The following ATXN1 variants were observed in gnomAD, a reference collection of about 807,000 sequenced individuals.
ATXN1 encodes ataxin-1.
In ATXN1, 8 loss-of-function variants were observed where a neutral mutation model predicts 56.4. The observed-to-expected ratio is 0.14, with a 90% CI of 0.08 to 0.26. ATXN1 has a LOEUF of 0.26. ATXN1 is among the 10% of genes least tolerant of loss of function. The pLI, the probability that ATXN1 is intolerant of heterozygous loss-of-function variation, is 1.00. For synonymous variants in ATXN1, 514 were observed against 494.6 expected (o/e 1.04, Z -0.52); for missense variants, 987 against 1,106.5 (o/e 0.89, Z 1.53).
At chr6:16,753,131 T>C (rs1760775183) in intron 2 of ATXN1, 102 bp downstream of exon 2, 2 of 396,720 alleles carry the variant, frequency 5.0e-6, no homozygotes, top group East Asian at 8.3e-5. Flanking sequence ...AAGAAAATGA[T>C]ATTCAACAGC....
chr6:16,508,250 C>T (rs950250019), intron 5 of ATXN1, among the ~76,000 whole-genome samples: 5 of 151,978 alleles, frequency 3.3e-5, no homozygotes, highest in Non-Finnish European at 7.4e-5. Flanking sequence ...GAGGAAGATA[C>T]TGATATAGTA....
At chr6:16,362,707 G>A (rs1272269720) in intron 6 of ATXN1, among the ~76,000 whole-genome samples, 1 of 150,652 alleles carries the variant, frequency 6.6e-6, no homozygotes, top group Non-Finnish European at 1.5e-5. Flanking sequence ...AATATAATGT[G>A]AACATCTTGC....
chr6:16,321,414 C>T (rs950062691), intron 7 of ATXN1, among the ~76,000 whole-genome samples: 2 of 152,192 alleles, frequency 1.3e-5, no homozygotes, highest in African/African-American at 2.4e-5. Flanking sequence ...GGGTGGGGAA[C>T]GTGCTATCAC....
intron 6 of ATXN1, among the ~76,000 whole-genome samples, chr6:16,427,336 A>G (rs1019832259): frequency 1.3e-5 from 2 of 152,292 alleles, no homozygotes; most frequent in Non-Finnish European, 1.5e-5. Context: ...CAGTCGTGAC[A>G]AGCAAAAATG....
chr6:16,469,227 C>T (rs1561908151), intron 6 of ATXN1, among the ~76,000 whole-genome samples: 1 of 152,200 alleles, frequency 6.6e-6, no homozygotes, highest in Non-Finnish European at 1.5e-5. Flanking sequence ...AGCAATTATA[C>T]AAGAGTCTTG....
intron 5 of ATXN1, among the ~76,000 whole-genome samples, chr6:16,504,993 C>CTTTTTTTT (rs34197922): frequency 0.031 from 4,229 of 135,032 alleles, 258 homozygotes; most frequent in African/African-American, 0.11. Flanking sequence ...CTCCTGTTTC[C>CTTTTTTTT]TTTTTTTTTT....
chr6:16,315,250 C>T (rs1399489193), intron 7 of ATXN1, among the ~76,000 whole-genome samples: 1 of 152,182 alleles, frequency 6.6e-6, no homozygotes, highest in Non-Finnish European at 1.5e-5. Context: ...TCCCATTCTT[C>T]CGGCTGTTCA....
intron 5 of ATXN1, among the ~76,000 whole-genome samples, chr6:16,498,733 G>A (rs1760824032): frequency 6.6e-6 from 1 of 152,110 alleles, no homozygotes; most frequent in African/African-American, 2.4e-5. Flanking sequence ...GTTTTGATTT[G>A]CATTCCCCTA....
chr6:16,711,986 T>C (rs934581159), intron 2 of ATXN1, among the ~76,000 whole-genome samples: 7 of 152,198 alleles, frequency 4.6e-5, no homozygotes, highest in African/African-American at 1.7e-4. Flanking sequence ...ACTGATTCCA[T>C]TTGTATGAAG....
chr6:16,634,265 G>A (rs1378329013), intron 3 of ATXN1, among the ~76,000 whole-genome samples: 1 of 152,050 alleles, frequency 6.6e-6, no homozygotes, highest in Non-Finnish European at 1.5e-5. Flanking sequence ...GCACTACCAT[G>A]GATTTCTCTG....
intron 2 of ATXN1, among the ~76,000 whole-genome samples, chr6:16,697,420 G>A (rs3812203): frequency 0.26 from 40,191 of 151,782 alleles, 5,457 homozygotes; most frequent in Non-Finnish European, 0.3. Flanking sequence ...GAATATAGCT[G>A]TTGATTCATC....
chr6:16,330,532 G>T (rs1760960766), intron 6 of ATXN1, among the ~76,000 whole-genome samples: 1 of 151,654 alleles, frequency 6.6e-6, no homozygotes, highest in Admixed American at 6.6e-5. Flanking sequence ...TGGGACTACA[G>T]GTGCACGCCA....
chr6:16,423,319 T>G (rs1272581343), intron 6 of ATXN1, among the ~76,000 whole-genome samples: 3 of 152,240 alleles, frequency 2.0e-5, no homozygotes, highest in African/African-American at 7.2e-5. Flanking sequence ...CAGTCACTCC[T>G]CTTTACAGAA....
chr6:16,597,456 T>TG (rs1554118746), intron 3 of ATXN1, among the ~76,000 whole-genome samples: 1 of 145,992 alleles, frequency 6.8e-6, no homozygotes, highest in Non-Finnish European at 1.5e-5. Context: ...TTTTTTTTTT[T>TG]GAGACAGAGT....
chr6:16,326,826 G>A lies in ATXN1; in HGVS notation c.1485C>T (p.Gly495=), dbSNP rs916331792. The change falls in exon 7 of 8, where the codon GGC becomes GGT. Residue 495 remains glycine, a synonymous_variant. Coordinates refer to ENST00000436367, the MANE Select transcript of ATXN1 (RefSeq NM_001128164.2). This position sits in a 1 kb window ranked among gnomAD's most constrained non-coding sequence, Gnocchi z 6.6. ...PGTQPLLIPV[G]STDMEASGAA... is the part of the protein sequence containing the mutation. The stretch of plus-strand genomic sequence containing the variant: ...CCCCCGACGCTTCCATGTCAGTGCT[G>A]CCGACCGGGATGAGCAGGGGCTGTG... 1.0e-5 allele frequency: 16 copies of A among 1,607,404 alleles called. No homozygotes were observed. In the African/African-American group the frequency reaches 2.0e-4, roughly 20 times the overall value.
chr6:16,326,359 G>T lies in ATXN1; in HGVS notation c.1917+35C>A. 1 of 1,606,658 alleles carries T rather than the reference G, an allele frequency of 6.2e-7. No homozygotes were observed. The highest frequency in any genetic ancestry group is 8.5e-7 in the Non-Finnish European group (1 of 1,176,650). ...GAGATGATGATGGCATCACGGTGTG[G>T]TGTCCCATCCCTGTGCCACCCTGGC... On this transcript the variant is annotated intron_variant, in intron 7 of 7. Transcript: ENST00000436367. The surrounding 1 kb of genome is among the most constrained non-coding windows in gnomAD (Gnocchi z 6.6).
chr6:16,516,571 T>G (rs1761187552), intron 5 of ATXN1, among the ~76,000 whole-genome samples: 1 of 152,226 alleles, frequency 6.6e-6, no homozygotes, highest in African/African-American at 2.4e-5. Context: ...ACAGTTGTCC[T>G]GGAGAGATAC....
At chr6:16,709,312 C>T (rs1268940472) in intron 2 of ATXN1, among the ~76,000 whole-genome samples, 1 of 151,956 alleles carries the variant, frequency 6.6e-6, no homozygotes, top group African/African-American at 2.4e-5. Flanking sequence ...AATCTCACAA[C>T]TTGGATGAAA....
intron 4 of ATXN1, among the ~76,000 whole-genome samples, chr6:16,559,059 A>C (rs1762066921): frequency 6.6e-6 from 1 of 152,214 alleles, no homozygotes; most frequent in Admixed American, 6.5e-5. Context: ...ATAATAACAG[A>C]AACCCATATT....
Sources: gnomAD v4.1 joint callset for allele counts (sites outside exome capture counted in the v4.1 genomes callset) on GRCh38, gnomAD v4.1.1 for gene constraint, Gnocchi (gnomAD v3.1) non-coding constraint, MANE v1.5 for transcripts, NCBI Gene and HGNC (gene_info 2026-07-23, HGNC 2026-07-21) for gene names.